The following SCN2A variants were observed in gnomAD, a reference collection of about 807,000 sequenced individuals.
SCN2A encodes sodium channel protein type 2 subunit alpha.
SCN2A carries 20 observed loss-of-function variants against 188.7 expected under a neutral mutation model. The ratio of observed to expected loss-of-function variants is 0.11; its 90% CI spans 0.07 to 0.15. The LOEUF (loss-of-function observed/expected upper bound fraction) is 0.15. Among genes scored for constraint, SCN2A ranks in the 10% least tolerant of loss-of-function variants. SCN2A has a pLI of 1.00. For missense variants in SCN2A, 1,278 were observed against 2,445.0 expected (o/e 0.52, Z 10.07); for synonymous variants, 804 against 833.1 (o/e 0.97, Z 0.60).
chr2:165,365,625 G>A (rs1700688954), intron 18 of SCN2A, among the ~76,000 whole-genome samples: 1 of 151,860 alleles, frequency 6.6e-6, no homozygotes, highest in African/African-American at 2.4e-5. Context: ...TCTCTCTTTA[G>A]TTTAAAAATT....
rs1033303305 is a variant in SCN2A at position 165,312,059 on chromosome 2, T to C, written c.1005T>C (p.Ala335=). 1 of 1,612,528 alleles carries C rather than the reference T, an allele frequency of 6.2e-7. No homozygotes were observed. The highest frequency in any genetic ancestry group is 1.3e-5 in the African/African-American group (1 of 74,864). ...ATTTTTTAGAGGGGCAAAATGATGC[T>C]CTGCTTTGTGGCAACAGCTCAGATG... ...HFYFLEGQND[A]LLCGNSSDAG... Residue 335 remains alanine (A), a synonymous_variant, in exon 8 of 27, where the codon GCT becomes GCC. Transcript: ENST00000375437.
chr2:165,250,438 A>C (rs1369835990), intron 1 of SCN2A, among the ~76,000 whole-genome samples: 1 of 151,804 alleles, frequency 6.6e-6, no homozygotes, highest in Admixed American at 6.6e-5. Flanking sequence ...ATTTTAACAG[A>C]AATGTAAATA....
chr2:165,387,084 G>A (rs1701915562), intron 26 of SCN2A, 68 bp downstream of exon 26: 1 of 1,486,076 alleles, frequency 6.7e-7, no homozygotes. Context: ...AAACTTTAGA[G>A]GTGTTTTTCA....
intron 3 of SCN2A, among the ~76,000 whole-genome samples, chr2:165,302,301 T>C (rs1397891796): frequency 6.6e-6 from 1 of 152,206 alleles, no homozygotes; most frequent in African/African-American, 2.4e-5. Flanking sequence ...ATATGTGACA[T>C]TTACTCGATT....
intron 16 of SCN2A, among the ~76,000 whole-genome samples, chr2:165,347,199 C>T (rs1438508744): frequency 6.6e-6 from 1 of 152,126 alleles, no homozygotes. Flanking sequence ...ACCCAAATGC[C>T]CATCAATGAT....
intron 1 of SCN2A, among the ~76,000 whole-genome samples, chr2:165,280,253 G>A (rs934988449): frequency 6.6e-6 from 1 of 152,096 alleles, no homozygotes. Context: ...ACCATAGAAG[G>A]TATGCAATAC....
intron 8 of SCN2A, among the ~76,000 whole-genome samples, chr2:165,313,163 A>T (rs1030173508): frequency 6.6e-6 from 1 of 152,056 alleles, no homozygotes; most frequent in Non-Finnish European, 1.5e-5. Flanking sequence ...CTTGATCTTC[A>T]AGGTCCTCCT....
intron 2 of SCN2A, chr2:165,296,323 G>A: frequency 1.8e-6 from 1 of 548,500 alleles, no homozygotes; most frequent in Non-Finnish European, 3.3e-6. Flanking sequence ...CTCCAGCGCG[G>A]GAATTAAGGA....
At chr2:165,373,949 C>T (rs992804414) in intron 21 of SCN2A, among the ~76,000 whole-genome samples, 1 of 151,898 alleles carries the variant, frequency 6.6e-6, no homozygotes, top group Non-Finnish European at 1.5e-5. Context: ...GTTGTTTTAG[C>T]TGGTTCAAAG....
At position 165,308,681 on chromosome 2, in the gene SCN2A, A is replaced by G; in HGVS notation, c.492A>G (p.Gly164=). 6.2e-7 allele frequency: 1 copy of G among 1,612,108 alleles called. No homozygotes were observed. ...WTKNVEYTFT[G]IYTFESLIKI... is the part of the protein sequence containing the mutation. Reference sequence around the variant, plus strand: ...TTTCTCTCAGGTATACCTTTACAGGAATTTATACTTTTGAATCACTTATTA... The same window carrying G: ...TTTCTCTCAGGTATACCTTTACAGGGATTTATACTTTTGAATCACTTATTA... The change falls in exon 5 of 27, where the codon GGA becomes GGG. Residue 164 remains glycine, a synonymous_variant. Coordinates refer to ENST00000375437, the MANE Select transcript of SCN2A (RefSeq NM_001040142.2).
At chr2:165,308,586 G>A in intron 4 of SCN2A, 80 bp from the exon 5 acceptor site, 2 of 1,504,050 alleles carry the variant, frequency 1.3e-6, no homozygotes, top group Non-Finnish European at 9.2e-7. Flanking sequence ...ATTTTTGTTT[G>A]CTGTTTATGT....
chr2:165,358,002 CA>C (rs1279681103), intron 17 of SCN2A, among the ~76,000 whole-genome samples: 1 of 152,044 alleles, frequency 6.6e-6, no homozygotes, highest in Non-Finnish European at 1.5e-5. Flanking sequence ...CTGAGTCATA[CA>C]AAGCATGGTC....
At chr2:165,265,471 CTATATATATATA>C (rs1178289931) in intron 1 of SCN2A, among the ~76,000 whole-genome samples, 347 of 29,020 alleles carry the variant, frequency 0.012, 10 homozygotes, top group South Asian at 0.032. Context: ...CTCTGTTGAT[CTATATATATATA>C]TATATATATA....
rs556114590 is a variant in SCN2A at position 165,356,982 on chromosome 2, A to G, written c.3399+2311A>G. On this transcript the variant is annotated intron_variant, in intron 17 of 26. Coordinates refer to ENST00000375437, the MANE Select transcript of SCN2A (RefSeq NM_001040142.2). ...GACCTGCCAGGTGGAAGCAGACAGG[A>G]TTATTTTATTGCTTGAGTTGTGGAG... 2.4e-3 allele frequency among the ~76,000 whole-genome samples: 361 copies of G among 152,308 alleles called. 2 individuals are homozygous for G. Among genetic ancestry groups the G allele is most frequent in the South Asian group, 0.016 (77 of 4,830 alleles).
chr2:165,311,322 T>C (rs1321061768), intron 7 of SCN2A, among the ~76,000 whole-genome samples: 1 of 152,116 alleles, frequency 6.6e-6, no homozygotes, highest in Non-Finnish European at 1.5e-5. Context: ...TGTGTGTGCA[T>C]GTTTTCTGAG....
chr2:165,325,143 C>T (rs540771247), intron 12 of SCN2A, among the ~76,000 whole-genome samples: 43 of 152,222 alleles, frequency 2.8e-4, no homozygotes, highest in African/African-American at 9.9e-4. Context: ...AGCAAATCTA[C>T]AATTACCATG....
At chr2:165,286,831 C>T (rs1000543523) in intron 1 of SCN2A, among the ~76,000 whole-genome samples, 7 of 152,266 alleles carry the variant, frequency 4.6e-5, no homozygotes, top group African/African-American at 9.6e-5. Context: ...CTATGTATTA[C>T]GCTTTTTTGG....
At chr2:165,289,112 A>G (rs895823295) in intron 1 of SCN2A, among the ~76,000 whole-genome samples, 1 of 152,020 alleles carries the variant, frequency 6.6e-6, no homozygotes, top group Admixed American at 6.5e-5. Context: ...TTATGTCCTC[A>G]TCTATGAAAT....
rs145476841 is a variant in SCN2A, at chr2:165,253,900, T to G, written c.-52+14260T>G. 6.5e-3 allele frequency among the ~76,000 whole-genome samples: 982 copies of G among 152,138 alleles called. 14 individuals carry two copies. Among genetic ancestry groups the G allele is most frequent in the African/African-American group, 0.018 (756 of 41,554 alleles). On this transcript the variant is annotated intron_variant, in intron 1 of 26. Coordinates refer to ENST00000375437, the MANE Select transcript of SCN2A (RefSeq NM_001040142.2). ...AGGACAATTATGTCATGCCTTTCTT[T>G]GCTAATATTTCTAAGCAATCATTCC... is the stretch of plus-strand genomic sequence containing the variant.
Sources: allele counts gnomAD v4.1 joint callset (sites outside exome capture counted in the v4.1 genomes callset), GRCh38; gene constraint gnomAD v4.1.1; transcripts MANE v1.5; gene names NCBI Gene and HGNC (gene_info 2026-07-23, HGNC 2026-07-21).